The following ASB7 variants were observed in gnomAD, a reference collection of about 807,000 sequenced individuals.
ASB7 encodes ankyrin repeat and SOCS box protein 7.
Under a neutral mutation model 32.5 loss-of-function variants are expected in ASB7, and 4 were observed. That is an observed-to-expected ratio of 0.12 (90% CI 0.06 to 0.28). The LOEUF is 0.28. Among genes scored for constraint, ASB7 ranks in the 10% least tolerant of loss-of-function variants. The pLI is 1.00. For missense variants in ASB7, 181 were observed against 407.1 expected (o/e 0.44, Z 4.78); for synonymous variants, 172 against 155.6 (o/e 1.11, Z -0.78).
chr15:100,628,973 TGTGCCAGAGCATA>T (rs1465078486), intron 4 of ASB7, among the ~76,000 whole-genome samples: 1 of 152,172 alleles, frequency 6.6e-6, no homozygotes, highest in Non-Finnish European at 1.5e-5. Context: ...AACAACACGG[TGTGCCAGAGCATA>T]GTGTATCTGT....
rs2039993115 is a variant in ASB7, at chr15:100,645,682, A to G, written c.818-2641A>G. 2.7e-6 allele frequency: 4 copies of G among 1,507,048 alleles called. No homozygotes were observed. The East Asian group carries it at 9.0e-5, about 34-fold the overall frequency. 93.4% of individuals were successfully genotyped at this position (1,507,048 alleles called of 1,614,324 possible). On this transcript the variant is annotated intron_variant, in intron 5 of 5. Transcript: ENST00000332783. ...GTGAGGTTAGGGACGGCAACACGAAAGAACCATCTTTAGTTTGGGGATCCC... is the reference window on the plus strand; with the variant it reads ...GTGAGGTTAGGGACGGCAACACGAAGGAACCATCTTTAGTTTGGGGATCCC...
intron 2 of ASB7, among the ~76,000 whole-genome samples, chr15:100,607,128 G>A (rs907408619): frequency 6.6e-6 from 1 of 151,588 alleles, no homozygotes; most frequent in African/African-American, 2.4e-5. Context: ...ACTCCAGCCT[G>A]GCAATAGAGC....
At chr15:100,642,116 G>T (rs765647437) in intron 5 of ASB7, among the ~76,000 whole-genome samples, 6 of 152,168 alleles carry the variant, frequency 3.9e-5, no homozygotes, top group Admixed American at 6.5e-5. Context: ...TAAAGGAAAA[G>T]AAAAATTAGT....
chr15:100,647,845 G>A (rs902942347), intron 5 of ASB7, among the ~76,000 whole-genome samples: 8 of 152,060 alleles, frequency 5.3e-5, no homozygotes, highest in African/African-American at 1.9e-4. Context: ...CTGAAAGGGA[G>A]GCTCACAATA....
chr15:100,630,439 C>T (rs2039875178), intron 5 of ASB7, among the ~76,000 whole-genome samples: 1 of 152,210 alleles, frequency 6.6e-6, no homozygotes, highest in Admixed American at 6.5e-5. Flanking sequence ...GATTCCTTAC[C>T]TGTGAAAATA....
In ASB7 at chr15:100,620,938, G is replaced by A. The variant is rs894265832; in HGVS notation, c.212-8499G>A. ...CCAGAGGAACCTGAGAAAACCTCTC[G>A]ATAAAGTAGGTAAAATCCTTTTGGT... On this transcript the variant is annotated intron_variant, in intron 4 of 5. Transcript: ENST00000332783. 3.3e-5 allele frequency among the ~76,000 whole-genome samples: 5 copies of A among 152,130 alleles called. No homozygotes were observed. The East Asian group carries it at 5.8e-4, about 18-fold the overall frequency.
Position 100,612,367 on chromosome 15 carries a change from C to T in ASB7, c.151C>T (p.Leu51Phe). ...NGRDANGWTL[L>F]HFSAARGKER... ...CCGAGATGCGAATGGCTGGACTCTG[C>T]TTCATTTCTCTGCAGCAAGAGGAAA... The change falls in exon 4 of 6, where the codon CTT becomes TTT. Residue 51 changes from leucine to phenylalanine, a missense_variant. Leu to Phe is a conservative substitution (Grantham distance 22, BLOSUM62 0). Coordinates refer to ENST00000332783, the MANE Select transcript of ASB7 (RefSeq NM_198243.3). 1 of 1,614,166 alleles carries T rather than the reference C, an allele frequency of 6.2e-7. No individual in the cohort carries two copies. The highest frequency in any genetic ancestry group is 8.5e-7 in the Non-Finnish European group (1 of 1,180,000).
At chr15:100,618,841 A>C (rs903610406) in intron 4 of ASB7, among the ~76,000 whole-genome samples, 1 of 152,168 alleles carries the variant, frequency 6.6e-6, no homozygotes, top group African/African-American at 2.4e-5. Flanking sequence ...TGGGGGATGG[A>C]GTTATAGCCA....
rs573997567 is a variant in ASB7, at chr15:100,609,833, G to A, written c.-52+5G>A. ...GAAGGGACACTCTTCCATAAGGCAA[G>A]TTGCCTCAGGGTCATTGGTCATCTG... On this transcript the variant is annotated splice_donor_5th_base_variant and intron_variant, in intron 3 of 5. Coordinates refer to ENST00000332783, the MANE Select transcript of ASB7 (RefSeq NM_198243.3). 6.6e-6 allele frequency: 1 copy of A among 152,346 alleles called. No homozygotes were observed. The highest frequency in any genetic ancestry group is 2.1e-4 in the South Asian group (1 of 4,830). 9.4% of individuals were successfully genotyped at this position (152,346 alleles called of 1,614,324 possible).
intron 4 of ASB7, among the ~76,000 whole-genome samples, chr15:100,628,052 C>G (rs1275950939): frequency 6.6e-6 from 1 of 152,196 alleles, no homozygotes; most frequent in African/African-American, 2.4e-5. Context: ...CTGTGGTAAA[C>G]AGATACTGTA....
At chr15:100,637,737 A>C (rs1029492893) in intron 5 of ASB7, among the ~76,000 whole-genome samples, 2 of 152,218 alleles carry the variant, frequency 1.3e-5, no homozygotes, top group African/African-American at 4.8e-5. Flanking sequence ...ACTTGAAAAA[A>C]GTTATTTAAA....
intron 4 of ASB7, among the ~76,000 whole-genome samples, chr15:100,621,229 G>A (rs1456462653): frequency 6.6e-6 from 1 of 152,110 alleles, no homozygotes; most frequent in Non-Finnish European, 1.5e-5. Context: ...TTAATGATTA[G>A]ATTAAATATA....
At chr15:100,603,691 T>C (rs2039598892) in intron 2 of ASB7, among the ~76,000 whole-genome samples, 1 of 152,190 alleles carries the variant, frequency 6.6e-6, no homozygotes, top group African/African-American at 2.4e-5. Context: ...TGACTTTCCT[T>C]TTTAATTAAA....
At chr15:100,632,794 G>A (rs1016880391) in intron 5 of ASB7, among the ~76,000 whole-genome samples, 1 of 149,216 alleles carries the variant, frequency 6.7e-6, no homozygotes, top group Admixed American at 6.7e-5. Context: ...TATAATACCA[G>A]AATTTAAAAA....
intron 4 of ASB7, among the ~76,000 whole-genome samples, chr15:100,612,949 TTATC>T (rs535819567): frequency 9.0e-4 from 137 of 152,360 alleles, no homozygotes; most frequent in Non-Finnish European, 1.2e-3. Context: ...AGAAGATTGG[TTATC>T]TGAGATCTAA....
intron 5 of ASB7, chr15:100,645,589 T>C (rs1475591602): frequency 6.9e-6 from 5 of 728,158 alleles, no homozygotes; most frequent in Non-Finnish European, 1.3e-5. Context: ...CGGTGTTATA[T>C]AAGGATCCTG....
In ASB7 at chr15:100,644,224, G is replaced by T. The variant is rs149790216; in HGVS notation, c.818-4099G>T. Reference sequence around the variant, plus strand: ...GATTGCACCACTGCACTCCAGCCTGGGCAATACAGTGAGACTGCATTGCAA... The same window carrying T: ...GATTGCACCACTGCACTCCAGCCTGTGCAATACAGTGAGACTGCATTGCAA... On this transcript the variant is annotated intron_variant, in intron 5 of 5. Coordinates refer to ENST00000332783, the MANE Select transcript of ASB7 (RefSeq NM_198243.3). Among the ~76,000 whole-genome samples the T allele has an allele frequency of 6.4e-3, 977 of 152,196 alleles. 13 individuals are homozygous for T. Among genetic ancestry groups the T allele is most frequent in the African/African-American group, 0.023 (935 of 41,520 alleles).
At chr15:100,635,567 G>A (rs925429990) in intron 5 of ASB7, among the ~76,000 whole-genome samples, 4 of 152,288 alleles carry the variant, frequency 2.6e-5, no homozygotes, top group South Asian at 4.1e-4. Context: ...TTTCTGTCCC[G>A]TGTCTTGGCT....
At chr15:100,640,742 C>G (rs1362273992) in intron 5 of ASB7, among the ~76,000 whole-genome samples, 1 of 152,124 alleles carries the variant, frequency 6.6e-6, no homozygotes, top group Non-Finnish European at 1.5e-5. Flanking sequence ...TAAGTTGATC[C>G]TATCATAAAA....
Sources: allele counts gnomAD v4.1 joint callset (sites outside exome capture counted in the v4.1 genomes callset), GRCh38; gene constraint gnomAD v4.1.1; transcripts MANE v1.5; gene names NCBI Gene and HGNC (gene_info 2026-07-23, HGNC 2026-07-21).